The following PTPRD variants were observed in gnomAD, a reference collection of about 807,000 sequenced individuals.
PTPRD encodes receptor-type tyrosine-protein phosphatase delta.
A neutral mutation model predicts 214.5 loss-of-function variants in PTPRD; 34 were observed. The observed-to-expected ratio is 0.16, with a 90% CI of 0.12 to 0.21. The LOEUF is 0.21. PTPRD is among the 10% of genes least tolerant of loss of function. The pLI, the probability that PTPRD is intolerant of heterozygous loss-of-function variation, is 1.00. For missense variants in PTPRD, 2,545 were observed against 2,398.7 expected, an observed-to-expected ratio of 1.06 and a Z score of -1.27; for synonymous variants, 1,128 against 845.7, an observed-to-expected ratio of 1.33 and a Z score of -5.79.
chr9:8,316,631 T>C lies in PTPRD; in HGVS notation c.*1243A>G, dbSNP rs536286218. The C allele has an allele frequency of 1.7e-5, 4 of 230,766 alleles. No individual in the cohort carries two copies. Among genetic ancestry groups the C allele is most frequent in the Non-Finnish European group, 3.4e-5 (4 of 116,314 alleles). The allele number at this position is 230,766 out of a possible 1,614,324, so 14.3% of individuals were successfully genotyped here. On this transcript the variant is annotated 3_prime_UTR_variant, in exon 46 of 46. Transcript: ENST00000381196. ...CTCTTAGCTATTTAATAATAATTTT[T>C]ATTGCACTAGAGTGTTAGAAATATT...
chr9:9,365,434 G>T (rs1251314894), intron 9 of PTPRD, among the ~76,000 whole-genome samples: 1 of 151,448 alleles, frequency 6.6e-6, no homozygotes, highest in African/African-American at 2.4e-5. Context: ...ATTTTTAACA[G>T]AATATTGAAA....
intron 14 of PTPRD, among the ~76,000 whole-genome samples, chr9:8,617,634 T>A (rs2095657121): frequency 6.6e-6 from 1 of 152,078 alleles, no homozygotes; most frequent in Non-Finnish European, 1.5e-5. Flanking sequence ...CAAACAAAAC[T>A]ACTTTGTTTT....
At chr9:8,496,079 T>C (rs1189307701) in intron 26 of PTPRD, among the ~76,000 whole-genome samples, 2 of 152,008 alleles carry the variant, frequency 1.3e-5, no homozygotes, top group Admixed American at 1.3e-4. Context: ...AGGCTCACTG[T>C]CACGTGACTA....
At chr9:9,035,653 C>T (rs539610362) in intron 10 of PTPRD, among the ~76,000 whole-genome samples, 2 of 152,000 alleles carry the variant, frequency 1.3e-5, no homozygotes, top group South Asian at 2.1e-4. Flanking sequence ...GACTTTATGC[C>T]CAATGGTGCT....
At chr9:8,453,594 C>G (rs1005389639) in intron 33 of PTPRD, among the ~76,000 whole-genome samples, 3 of 152,126 alleles carry the variant, frequency 2.0e-5, no homozygotes, top group Non-Finnish European at 2.9e-5. Context: ...AAGAAGACAC[C>G]CTCATAGAGG....
At chr9:9,285,143 G>T (rs1318554157) in intron 9 of PTPRD, among the ~76,000 whole-genome samples, 1 of 151,664 alleles carries the variant, frequency 6.6e-6, no homozygotes, top group African/African-American at 2.4e-5. Context: ...GAATAACATT[G>T]TGTATTCTTT....
intron 3 of PTPRD, among the ~76,000 whole-genome samples, chr9:10,118,474 T>A (rs952116172): frequency 6.6e-6 from 1 of 151,724 alleles, no homozygotes; most frequent in Non-Finnish European, 1.5e-5. Flanking sequence ...ATACTTCACA[T>A]AGTACCTGAC....
intron 10 of PTPRD, among the ~76,000 whole-genome samples, chr9:9,119,460 G>T (rs1478704937): frequency 6.6e-6 from 1 of 152,006 alleles, no homozygotes; most frequent in Non-Finnish European, 1.5e-5. Flanking sequence ...TCCAGGCACA[G>T]AATCAGAATC....
chr9:10,347,554 G>A (rs146869170), intron 2 of PTPRD, among the ~76,000 whole-genome samples: 6,872 of 151,568 alleles, frequency 0.045, 194 homozygotes, highest in South Asian at 0.12. Context: ...GGGATTACAG[G>A]TGTCTGCCAC....
At chr9:9,741,449 CTT>C (rs77515920) in intron 6 of PTPRD, among the ~76,000 whole-genome samples, 11 of 151,242 alleles carry the variant, frequency 7.3e-5, no homozygotes, top group Non-Finnish European at 1.5e-4. Context: ...TTTGAGTTGG[CTT>C]TTTTTTTTAA....
chr9:9,166,240 G>C (rs893188274), intron 10 of PTPRD, among the ~76,000 whole-genome samples: 1 of 151,594 alleles, frequency 6.6e-6, no homozygotes, highest in Non-Finnish European at 1.5e-5. Context: ...AGAGTTGAGA[G>C]AAACAAAAAT....
intron 9 of PTPRD, among the ~76,000 whole-genome samples, chr9:9,289,365 A>C (rs1950462874): frequency 6.6e-6 from 1 of 151,912 alleles, no homozygotes; most frequent in South Asian, 2.1e-4. Context: ...ATGATTGACA[A>C]ATCAAAATTA....
rs1030616474 is a variant in PTPRD, at chr9:9,664,636, G to T, written c.-287+69897C>A. Among the ~76,000 whole-genome samples, 4 of 151,764 alleles carry T rather than the reference G, an allele frequency of 2.6e-5. 1 individual carries two copies. Among genetic ancestry groups the T allele is most frequent in the African/African-American group, 2.4e-5 (1 of 41,510 alleles). On this transcript the variant is annotated intron_variant, in intron 7 of 45. Coordinates refer to ENST00000381196, the MANE Select transcript of PTPRD (RefSeq NM_002839.4). ...TAGACAATTCATTTTACTAGGAAAAGAACTGATCAGTAGAAGAATAAATTG... is the reference window on the plus strand; with the variant it reads ...TAGACAATTCATTTTACTAGGAAAATAACTGATCAGTAGAAGAATAAATTG...
intron 3 of PTPRD, among the ~76,000 whole-genome samples, chr9:10,128,001 G>T (rs2098832428): frequency 6.6e-6 from 1 of 152,100 alleles, no homozygotes; most frequent in Admixed American, 6.6e-5. Flanking sequence ...TTGACATCAT[G>T]TTTGGAGAAA....
At chr9:9,328,949 C>T (rs116159131) in intron 9 of PTPRD, among the ~76,000 whole-genome samples, 2,593 of 151,898 alleles carry the variant, frequency 0.017, 74 homozygotes, top group African/African-American at 0.06. Flanking sequence ...TTTTGATCAC[C>T]TTGGTTAAAG....
At chr9:10,113,667 A>T (rs937125774) in intron 3 of PTPRD, among the ~76,000 whole-genome samples, 1 of 152,204 alleles carries the variant, frequency 6.6e-6, no homozygotes, top group African/African-American at 2.4e-5. Context: ...GAACATTTTT[A>T]TTATCAGTTA....
chr9:9,478,694 A>C (rs1349076396), intron 8 of PTPRD, among the ~76,000 whole-genome samples: 1 of 152,192 alleles, frequency 6.6e-6, no homozygotes, highest in East Asian at 1.9e-4. Context: ...AATAATATTA[A>C]AGTTGAAAAT....
At chr9:10,218,504 C>G (rs759726656) in intron 3 of PTPRD, among the ~76,000 whole-genome samples, 1 of 151,792 alleles carries the variant, frequency 6.6e-6, no homozygotes, top group Non-Finnish European at 1.5e-5. Flanking sequence ...TTTGATAAAC[C>G]TTACTCAACA....
At chr9:8,910,526 A>G (rs987989958) in intron 11 of PTPRD, among the ~76,000 whole-genome samples, 2 of 152,132 alleles carry the variant, frequency 1.3e-5, no homozygotes, top group Non-Finnish European at 2.9e-5. Context: ...CTGAGCTAGC[A>G]TGCTCAGCCC....
Sources: gnomAD v4.1 joint callset for allele counts (sites outside exome capture counted in the v4.1 genomes callset) on GRCh38, gnomAD v4.1.1 for gene constraint, MANE v1.5 for transcripts, NCBI Gene and HGNC (gene_info 2026-07-23, HGNC 2026-07-21) for gene names.